The following OCA2 variants were observed in gnomAD, a reference collection of about 807,000 sequenced individuals.
OCA2 encodes the protein P protein.
A neutral mutation model predicts 100.2 loss-of-function variants in OCA2; 77 were observed. The observed-to-expected ratio is 0.77, with a 90% CI of 0.64 to 0.93. The LOEUF (loss-of-function observed/expected upper bound fraction) is 0.93. OCA2 is among the 40% of genes least tolerant of loss of function. OCA2 has a pLI of 0.00. For synonymous variants in OCA2, 432 were observed against 439.2 expected, an observed-to-expected ratio of 0.98 and a Z score of 0.21; for missense variants, 1,062 against 1,089.1, an observed-to-expected ratio of 0.98 and a Z score of 0.35.
chr15:27,742,094 G>C, the OCA2 span, among the ~76,000 whole-genome samples: 26 of 152,202 alleles, frequency 1.7e-4, no homozygotes, highest in Non-Finnish European at 3.2e-4. Context: ...CTTGGAGGCA[G>C]GTGATATGTT....
At chr15:28,004,461 G>A (rs1409556924) in intron 9 of OCA2, among the ~76,000 whole-genome samples, 2 of 152,144 alleles carry the variant, frequency 1.3e-5, no homozygotes, top group South Asian at 2.1e-4. Flanking sequence ...CGGGGCACCC[G>A]GACCGTCTGG....
chr15:27,856,835 A>G (rs944711444), intron 21 of OCA2, among the ~76,000 whole-genome samples: 8 of 152,204 alleles, frequency 5.3e-5, no homozygotes, highest in African/African-American at 1.9e-4. Context: ...TTTTCAAAAA[A>G]TGTTTGGAAA....
chr15:28,005,391 C>T (rs574292616), intron 9 of OCA2, among the ~76,000 whole-genome samples: 2 of 152,262 alleles, frequency 1.3e-5, no homozygotes, highest in South Asian at 2.1e-4. Context: ...ATGAGTTTCC[C>T]GGGCTGCTGT....
the OCA2 span, among the ~76,000 whole-genome samples, chr15:27,738,736 T>A: frequency 8.9e-6 from 1 of 112,254 alleles, no homozygotes. Flanking sequence ...AAAAAAAGGC[T>A]CTACGCCAAA....
At chr15:28,079,626 GCTC>G (rs1418878105) in intron 2 of OCA2, among the ~76,000 whole-genome samples, 3 of 152,194 alleles carry the variant, frequency 2.0e-5, no homozygotes, top group Admixed American at 6.5e-5. Context: ...GTTCCCTGTT[GCTC>G]CTCCTCCTGG....
At chr15:27,891,518 C>A (rs1319935327) in intron 19 of OCA2, among the ~76,000 whole-genome samples, 1 of 152,168 alleles carries the variant, frequency 6.6e-6, no homozygotes, top group Non-Finnish European at 1.5e-5. Context: ...TTTAAAGGGG[C>A]ATAGTATTTG....
At position 27,851,562 on chromosome 15, in the gene OCA2, T is replaced by C. The variant is rs2035756023; in HGVS notation, c.2245-87A>G. On this transcript the variant is annotated intron_variant, in intron 21 of 23. Coordinates refer to ENST00000354638, the MANE Select transcript of OCA2 (RefSeq NM_000275.3). ...TGACCAATTTAGAAAATCCAAATGC[T>C]TTCTCAGCATTCAAACTCTAAGGAG... The C allele has an allele frequency of 3.9e-6, 4 of 1,023,210 alleles. No homozygotes were observed. In the Admixed American group the frequency reaches 5.9e-5, roughly 15 times the overall value. 63.4% of individuals were successfully genotyped at this position (1,023,210 alleles called of 1,614,324 possible). A position where few individuals can be genotyped will look rare whatever the true frequency, so the allele number is the denominator to read the frequency against.
At chr15:28,095,489 G>A (rs1051776424) in intron 1 of OCA2, among the ~76,000 whole-genome samples, 3 of 152,212 alleles carry the variant, frequency 2.0e-5, no homozygotes, top group Non-Finnish European at 2.9e-5. Flanking sequence ...GACCAAGGCG[G>A]ACGGATCACT....
chr15:27,907,331 A>C (rs2038215325), intron 19 of OCA2, among the ~76,000 whole-genome samples: 1 of 152,238 alleles, frequency 6.6e-6, no homozygotes, highest in Admixed American at 6.5e-5. Context: ...CAATTTTTAA[A>C]AAATGATGAA....
rs190127712 is a variant in OCA2 at position 27,862,196 on chromosome 15, G to A, written c.2244+8958C>T. Among the ~76,000 whole-genome samples the A allele has an allele frequency of 4.2e-5, 6 of 143,864 alleles. No individual in the cohort carries two copies. The East Asian group carries it at 1.3e-3, about 30-fold the overall frequency. The allele number at this position is 143,864 out of a possible 152,430, so 94.4% of individuals were successfully genotyped here. The stretch of plus-strand genomic sequence containing the variant: ...TCGAGTCCTCATGGACAGAAAGCAT[G>A]GTCGTCAGCCTCGAGTCCTCACGGA... On this transcript the variant is annotated intron_variant, in intron 21 of 23. Transcript: ENST00000354638.
At chr15:27,932,393 G>A (rs1320402462) in intron 18 of OCA2, among the ~76,000 whole-genome samples, 3 of 151,926 alleles carry the variant, frequency 2.0e-5, no homozygotes, top group African/African-American at 4.8e-5. Context: ...CATGTAATGC[G>A]CCACCTGAGG....
chr15:27,813,263 G>A (rs1489521610), intron 23 of OCA2, among the ~76,000 whole-genome samples: 6 of 152,024 alleles, frequency 3.9e-5, no homozygotes, highest in African/African-American at 1.4e-4. Context: ...GGCTCTCCGG[G>A]GTCCCAGCCT....
chr15:28,027,653 G>C (rs563653375), intron 4 of OCA2, among the ~76,000 whole-genome samples: 58 of 152,318 alleles, frequency 3.8e-4, no homozygotes, highest in South Asian at 3.7e-3. Flanking sequence ...CAATCATTTA[G>C]GTTTGTCCTC....
At chr15:28,026,693 A>G (rs1322721950) in intron 4 of OCA2, among the ~76,000 whole-genome samples, 1 of 152,134 alleles carries the variant, frequency 6.6e-6, no homozygotes, top group Non-Finnish European at 1.5e-5. Context: ...GGGAAGATGT[A>G]TAGGATAGCG....
chr15:27,923,763 A>C (rs552589510), intron 19 of OCA2, among the ~76,000 whole-genome samples: 1 of 152,142 alleles, frequency 6.6e-6, no homozygotes, highest in Non-Finnish European at 1.5e-5. Context: ...TTCCTATTAG[A>C]CCTTTGTCAG....
intron 2 of OCA2, among the ~76,000 whole-genome samples, chr15:28,073,677 C>G (rs1000990943): frequency 4.6e-5 from 7 of 152,132 alleles, no homozygotes; most frequent in African/African-American, 1.4e-4. Flanking sequence ...GTGACGGGAT[C>G]CATACTCCAA....
chr15:27,809,053 C>T (rs964636359), intron 23 of OCA2, among the ~76,000 whole-genome samples: 1 of 152,152 alleles, frequency 6.6e-6, no homozygotes, highest in Non-Finnish European at 1.5e-5. Flanking sequence ...CCAAAGGCTC[C>T]CCAACCTTGC....
At chr15:28,017,079 A>G (rs1204624962) in intron 7 of OCA2, among the ~76,000 whole-genome samples, 3 of 149,448 alleles carry the variant, frequency 2.0e-5, no homozygotes, top group South Asian at 2.2e-4. Flanking sequence ...GCGGGGGGGG[A>G]CCCTCAATGG....
chr15:28,031,665 T>A (rs1222013530), intron 3 of OCA2, among the ~76,000 whole-genome samples: 1 of 152,254 alleles, frequency 6.6e-6, no homozygotes. Context: ...GGGGCTGTCC[T>A]GTGCATTGCA....
Sources: gnomAD v4.1 joint callset for allele counts (sites outside exome capture counted in the v4.1 genomes callset) on GRCh38, gnomAD v4.1.1 for gene constraint, MANE v1.5 for transcripts, NCBI Gene and HGNC (gene_info 2026-07-23, HGNC 2026-07-21) for gene names.